RSF1: variants seen among roughly 807,000 people sequenced by gnomAD.
RSF1 encodes remodeling and spacing factor 1, also known as HBV pX-associated protein 8.
Under a neutral mutation model 145.2 loss-of-function variants are expected in RSF1, and 13 were observed. The observed-to-expected ratio is 0.09, with a 90% confidence interval of 0.06 to 0.14. RSF1 has a LOEUF of 0.14. Ranked by LOEUF, RSF1 falls within the 10% of genes least tolerant of loss-of-function variation. RSF1 has a pLI of 1.00. For missense variants in RSF1, 1,517 were observed against 1,718.2 expected (o/e 0.88, Z 2.07); for synonymous variants, 577 against 592.6 (o/e 0.97, Z 0.38).
intron 5 of RSF1, among the ~76,000 whole-genome samples, chr11:77,718,930 T>A (rs777398889): frequency 1.3e-5 from 2 of 152,136 alleles, no homozygotes; most frequent in African/African-American, 4.8e-5. Flanking sequence ...CAAAGGAAAA[T>A]CATCAGTAAG....
At chr11:77,691,063 G>T in intron 9 of RSF1, 96 bp downstream of exon 9, 1 of 1,230,348 alleles carries the variant, frequency 8.1e-7, no homozygotes, top group Non-Finnish European at 1.2e-6. Context: ...GCCACAGTAT[G>T]CCAATCCTTG....
intron 4 of RSF1, among the ~76,000 whole-genome samples, chr11:77,732,902 A>C (rs1961242564): frequency 1.3e-5 from 2 of 152,356 alleles, no homozygotes; most frequent in Non-Finnish European, 2.9e-5. Flanking sequence ...CACAAATGGA[A>C]TCAAACAGTA....
chr11:77,834,418 AT>A, the RSF1 span, among the ~76,000 whole-genome samples: 7 of 148,510 alleles, frequency 4.7e-5, no homozygotes, highest in African/African-American at 1.7e-4. Context: ...TTTATGATGA[AT>A]TTCATGGAGA....
At chr11:77,694,469 T>C (rs754836822) in intron 7 of RSF1, among the ~76,000 whole-genome samples, 1 of 152,216 alleles carries the variant, frequency 6.6e-6, no homozygotes, top group Non-Finnish European at 1.5e-5. Flanking sequence ...GTTTTATCGG[T>C]ATTTGAGTTT....
chr11:77,793,557 CA>C (rs1361933215), intron 1 of RSF1, among the ~76,000 whole-genome samples: 1 of 152,112 alleles, frequency 6.6e-6, no homozygotes, highest in African/African-American at 2.4e-5. Context: ...AGTAAAGACA[CA>C]TATAGACTAA....
At chr11:77,866,655 T>A in the RSF1 span, 3 of 152,198 alleles carry the variant, frequency 2.0e-5, no homozygotes, top group Admixed American at 1.3e-4. Flanking sequence ...TACACTTGGA[T>A]TTCCAGCAGT....
chr11:77,795,948 T>C (rs1948568000), intron 1 of RSF1, among the ~76,000 whole-genome samples: 1 of 152,206 alleles, frequency 6.6e-6, no homozygotes. Context: ...GAGGTGTATG[T>C]GTCCAGGAAT....
intron 15 of RSF1, among the ~76,000 whole-genome samples, chr11:77,671,386 T>C (rs1046747165): frequency 1.3e-5 from 2 of 151,126 alleles, no homozygotes; most frequent in African/African-American, 4.9e-5. Flanking sequence ...GGCACTTTTA[T>C]TTGAAACCTT....
At position 77,806,520 on chromosome 11, in the gene RSF1, A is replaced by AT. The variant is rs1345941667; in HGVS notation, c.187+14007dup. On this transcript the variant is annotated intron_variant, in intron 1 of 15. Transcript: ENST00000308488. ...GCAACACCCATCTCTATAAAAAAAG[A>AT]TTTTTTTTTTTTTAACTAGCCAGGT... is the stretch of plus-strand genomic sequence containing the variant. Among the ~76,000 whole-genome samples the AT allele has an allele frequency of 5.1e-3, 740 of 146,150 alleles. 8 individuals carry two copies. The highest frequency in any genetic ancestry group is 0.013 in the African/African-American group (530 of 40,026).
intron 5 of RSF1, among the ~76,000 whole-genome samples, chr11:77,722,066 G>A (rs1355796946): frequency 6.6e-6 from 1 of 152,150 alleles, no homozygotes; most frequent in South Asian, 2.1e-4. Context: ...TGTAGTCCCA[G>A]CCACTCAGGA....
intron 4 of RSF1, among the ~76,000 whole-genome samples, chr11:77,734,314 G>T (rs1961283983): frequency 6.6e-6 from 1 of 151,040 alleles, no homozygotes; most frequent in Admixed American, 6.6e-5. Context: ...TTTTTGGGGG[G>T]GGGTACCAAA....
chr11:77,680,875 C>T (rs1472632331), intron 11 of RSF1, among the ~76,000 whole-genome samples: 3 of 152,156 alleles, frequency 2.0e-5, no homozygotes, highest in Non-Finnish European at 2.9e-5. Flanking sequence ...AAGCCAGATG[C>T]CAGATGCAAA....
At chr11:77,854,587 C>T in the RSF1 span, among the ~76,000 whole-genome samples, 714 of 152,342 alleles carry the variant, frequency 4.7e-3, 5 homozygotes, top group Middle Eastern at 0.02. Context: ...ATCCAGGTAA[C>T]ACTGATGCAA....
chr11:77,743,259 T>A (rs1234984123), intron 3 of RSF1, among the ~76,000 whole-genome samples: 3 of 152,184 alleles, frequency 2.0e-5, no homozygotes, highest in Non-Finnish European at 2.9e-5. Context: ...GGTTGTGTTT[T>A]ATTTCTGTGA....
At chr11:77,714,282 G>A (rs1281961492) in intron 5 of RSF1, among the ~76,000 whole-genome samples, 3 of 152,122 alleles carry the variant, frequency 2.0e-5, no homozygotes, top group African/African-American at 4.8e-5. Context: ...TAAGACCTTT[G>A]TTGTAGATTT....
At chr11:77,795,380 G>T (rs1348923790) in intron 1 of RSF1, among the ~76,000 whole-genome samples, 1 of 152,134 alleles carries the variant, frequency 6.6e-6, no homozygotes, top group Non-Finnish European at 1.5e-5. Context: ...AAACCCTGCA[G>T]AACAGCCAAA....
the RSF1 span, among the ~76,000 whole-genome samples, chr11:77,826,984 C>T: frequency 3.3e-5 from 5 of 152,018 alleles, no homozygotes; most frequent in African/African-American, 9.6e-5. Context: ...ACACACCCGT[C>T]GTCCCTGCTA....
At chr11:77,786,539 C>T (rs1203958731) in intron 1 of RSF1, among the ~76,000 whole-genome samples, 3 of 152,026 alleles carry the variant, frequency 2.0e-5, no homozygotes, top group African/African-American at 7.2e-5. Context: ...GTTGAGACCA[C>T]TAGAATGTAT....
At chr11:77,871,310 T>C in the RSF1 span, among the ~76,000 whole-genome samples, 1 of 152,230 alleles carries the variant, frequency 6.6e-6, no homozygotes, top group African/African-American at 2.4e-5. Context: ...AAATATCTAA[T>C]AATAGCTGTC....
Sources: allele counts gnomAD v4.1 joint callset (sites outside exome capture counted in the v4.1 genomes callset), GRCh38; gene constraint gnomAD v4.1.1; transcripts MANE v1.5; gene names NCBI Gene and HGNC (gene_info 2026-07-23, HGNC 2026-07-21).